The following CNTNAP5 variants were observed in gnomAD, a reference collection of about 807,000 sequenced individuals.
CNTNAP5 encodes the protein contactin-associated protein-like 5.
In CNTNAP5, 72 loss-of-function variants were observed where a neutral mutation model predicts 150.2. The ratio of observed to expected loss-of-function variants is 0.48; its 90% confidence interval spans 0.40 to 0.58. CNTNAP5 has a LOEUF of 0.58. Among genes scored for constraint, CNTNAP5 ranks in the 20% least tolerant of loss-of-function variants. The pLI is 0.00. For synonymous variants in CNTNAP5, 672 were observed against 619.8 expected (o/e 1.08, Z -1.25); for missense variants, 1,636 against 1,626.2 (o/e 1.01, Z -0.10).
At chr2:124,056,320 A>G (rs1440633023) in intron 1 of CNTNAP5, among the ~76,000 whole-genome samples, 1 of 152,214 alleles carries the variant, frequency 6.6e-6, no homozygotes. Context: ...CTGTCTCAGC[A>G]TCTTCTATAC....
At chr2:124,866,288 C>T (rs927813834) in intron 20 of CNTNAP5, among the ~76,000 whole-genome samples, 1 of 152,014 alleles carries the variant, frequency 6.6e-6, no homozygotes, top group African/African-American at 2.4e-5. Flanking sequence ...AAAAGAAATG[C>T]AGATTCTTGG....
chr2:124,240,935 A>T (rs1352594738), intron 2 of CNTNAP5, among the ~76,000 whole-genome samples: 1 of 152,164 alleles, frequency 6.6e-6, no homozygotes, highest in Non-Finnish European at 1.5e-5. Flanking sequence ...GTGGCGAGAA[A>T]GTAGACTGAA....
chr2:124,844,540 G>C (rs76435256), intron 19 of CNTNAP5, among the ~76,000 whole-genome samples: 7,647 of 151,310 alleles, frequency 0.051, 617 homozygotes, highest in African/African-American at 0.17. Context: ...TTTTTATAAT[G>C]ATGGTGGTGT....
chr2:124,402,067 A>G (rs374037606), intron 3 of CNTNAP5, among the ~76,000 whole-genome samples: 3 of 152,340 alleles, frequency 2.0e-5, no homozygotes, highest in Admixed American at 6.5e-5. Flanking sequence ...AGGAGACTCT[A>G]TATTGATAAG....
At chr2:124,529,547 C>T (rs1184383289) in intron 10 of CNTNAP5, among the ~76,000 whole-genome samples, 1 of 152,168 alleles carries the variant, frequency 6.6e-6, no homozygotes. Context: ...GTGTTTGAGT[C>T]ACTATTTCTT....
chr2:124,746,424 A>G (rs1198452025), intron 13 of CNTNAP5, among the ~76,000 whole-genome samples: 1 of 152,198 alleles, frequency 6.6e-6, no homozygotes, highest in African/African-American at 2.4e-5. Flanking sequence ...CACAGGTTGC[A>G]TACCACCTTT....
chr2:124,106,299 G>T (rs1292598615), intron 1 of CNTNAP5, among the ~76,000 whole-genome samples: 4 of 152,138 alleles, frequency 2.6e-5, no homozygotes, highest in Non-Finnish European at 4.4e-5. Context: ...TGCCTTTGGT[G>T]TGCCAACAAG....
At chr2:124,537,956 G>T (rs74602273) in intron 10 of CNTNAP5, among the ~76,000 whole-genome samples, 2 of 152,132 alleles carry the variant, frequency 1.3e-5, no homozygotes, top group African/African-American at 4.8e-5. Flanking sequence ...CCCACCAGAC[G>T]GTGGTGAGAA....
At chr2:124,556,919 AT>A (rs1034814796) in intron 10 of CNTNAP5, among the ~76,000 whole-genome samples, 84 of 151,544 alleles carry the variant, frequency 5.5e-4, no homozygotes, top group African/African-American at 1.9e-3. Context: ...GGTAAATTGA[AT>A]TTTTCAGCAG....
intron 3 of CNTNAP5, among the ~76,000 whole-genome samples, chr2:124,407,169 G>GCA (rs1691593213): frequency 6.6e-6 from 1 of 152,080 alleles, no homozygotes; most frequent in Non-Finnish European, 1.5e-5. Flanking sequence ...GTATCCTTTT[G>GCA]ATATACTAAT....
chr2:124,859,010 T>C (rs1207368929), intron 19 of CNTNAP5, among the ~76,000 whole-genome samples: 1 of 152,122 alleles, frequency 6.6e-6, no homozygotes, highest in African/African-American at 2.4e-5. Context: ...AAGGGCTTCA[T>C]GTCTAAAACA....
intron 10 of CNTNAP5, among the ~76,000 whole-genome samples, chr2:124,556,135 T>A (rs1695750340): frequency 6.6e-6 from 1 of 152,208 alleles, no homozygotes; most frequent in African/African-American, 2.4e-5. Context: ...TTTAGGGAGA[T>A]GATCTGGCAT....
At chr2:124,227,914 A>T (rs1188487953) in intron 2 of CNTNAP5, among the ~76,000 whole-genome samples, 1 of 152,086 alleles carries the variant, frequency 6.6e-6, no homozygotes, top group East Asian at 1.9e-4. Flanking sequence ...ACACACACGC[A>T]CACACAAATA....
intron 3 of CNTNAP5, among the ~76,000 whole-genome samples, chr2:124,400,675 T>TC (rs1691390784): frequency 1.1e-5 from 1 of 92,850 alleles, no homozygotes; most frequent in Non-Finnish European, 2.8e-5. Context: ...CATTGTTTTT[T>TC]TTTTTTTTTT....
At chr2:124,034,427 A>G (rs531555855) in intron 1 of CNTNAP5, among the ~76,000 whole-genome samples, 1 of 152,290 alleles carries the variant, frequency 6.6e-6, no homozygotes, top group Admixed American at 6.5e-5. Flanking sequence ...CACTGCTAAG[A>G]CAAATACAAA....
chr2:124,253,583 T>C (rs1257482213), intron 3 of CNTNAP5, among the ~76,000 whole-genome samples: 3 of 152,148 alleles, frequency 2.0e-5, no homozygotes, highest in Admixed American at 6.5e-5. Flanking sequence ...CTCAGATAAA[T>C]GGACATATGA....
intron 13 of CNTNAP5, among the ~76,000 whole-genome samples, chr2:124,707,350 T>C (rs918734540): frequency 6.6e-6 from 1 of 152,122 alleles, no homozygotes; most frequent in African/African-American, 2.4e-5. Context: ...CCATTAGAAC[T>C]TGAAATTGAG....
intron 17 of CNTNAP5, 98 bp downstream of exon 17, chr2:124,773,115 A>T: frequency 3.5e-6 from 3 of 848,320 alleles, no homozygotes. Context: ...GATCTGGGAT[A>T]TGATCAAAAT....
At chr2:124,711,655 G>A (rs936211128) in intron 13 of CNTNAP5, among the ~76,000 whole-genome samples, 9 of 151,716 alleles carry the variant, frequency 5.9e-5, no homozygotes, top group African/African-American at 1.2e-4. Context: ...GTGAAACCCC[G>A]TCTCTACTAA....
Sources: gnomAD v4.1 joint callset for allele counts (sites outside exome capture counted in the v4.1 genomes callset) on GRCh38, gnomAD v4.1.1 for gene constraint, MANE v1.5 for transcripts, NCBI Gene and HGNC (gene_info 2026-07-23, HGNC 2026-07-21) for gene names.